Variants in GABBR2 observed in about 807,000 individuals in gnomAD.
GABBR2 encodes gamma-aminobutyric acid type B receptor subunit 2.
GABBR2 carries 23 observed loss-of-function variants against 105.6 expected under a neutral mutation model. The ratio of observed to expected loss-of-function variants is 0.22; its 90% CI spans 0.16 to 0.31. The LOEUF is 0.31. Ranked by LOEUF, GABBR2 falls within the 10% of genes least tolerant of loss-of-function variation. The probability of loss-of-function intolerance (pLI) is 1.00; values close to 1 mark genes in which losing one functional copy is unlikely to be tolerated. For synonymous variants in GABBR2, 478 were observed against 499.7 expected, an observed-to-expected ratio of 0.96 and a Z score of 0.58; for missense variants, 734 against 1,245.5, an observed-to-expected ratio of 0.59 and a Z score of 6.18.
chr9:98,511,943 A>G (rs1827652656), intron 3 of GABBR2, among the ~76,000 whole-genome samples: 1 of 152,228 alleles, frequency 6.6e-6, no homozygotes, highest in African/African-American at 2.4e-5. Flanking sequence ...AGCCTGGTAG[A>G]GACACAACCA....
intron 7 of GABBR2, among the ~76,000 whole-genome samples, chr9:98,417,073 T>G (rs1364697223): frequency 1.3e-5 from 2 of 152,218 alleles, no homozygotes; most frequent in Non-Finnish European, 2.9e-5. Flanking sequence ...AATTGCCTCC[T>G]GCTGGATGAA....
intron 3 of GABBR2, among the ~76,000 whole-genome samples, chr9:98,503,480 A>T (rs574413937): frequency 6.6e-6 from 1 of 151,908 alleles, no homozygotes; most frequent in Non-Finnish European, 1.5e-5. Flanking sequence ...GGGACCTCTG[A>T]GGGGCAGGGA....
intron 1 of GABBR2, among the ~76,000 whole-genome samples, chr9:98,705,321 A>G (rs1830879948): frequency 6.6e-6 from 1 of 152,216 alleles, no homozygotes; most frequent in South Asian, 2.1e-4. Flanking sequence ...AAAATCTACC[A>G]CTATTCTACT....
At chr9:98,364,535 T>C (rs1043194111) in intron 12 of GABBR2, among the ~76,000 whole-genome samples, 1 of 151,920 alleles carries the variant, frequency 6.6e-6, no homozygotes, top group Non-Finnish European at 1.5e-5. Flanking sequence ...AGAATTTTCC[T>C]CTTGTAAATG....
intron 13 of GABBR2, among the ~76,000 whole-genome samples, chr9:98,315,431 T>C (rs1221142762): frequency 6.6e-6 from 1 of 152,216 alleles, no homozygotes; most frequent in Non-Finnish European, 1.5e-5. Flanking sequence ...GGGGTTGGGA[T>C]AGTTTTGGGA....
At chr9:98,301,983 CCAGT>C (rs1273783573) in intron 16 of GABBR2, among the ~76,000 whole-genome samples, 8 of 152,174 alleles carry the variant, frequency 5.3e-5, no homozygotes, top group Non-Finnish European at 1.2e-4. Context: ...TCCAGAATGT[CCAGT>C]CAAATTTGAG....
intron 1 of GABBR2, among the ~76,000 whole-genome samples, chr9:98,686,390 GT>G (rs60124722): frequency 0.92 from 140,348 of 151,994 alleles, 64,954 homozygotes; most frequent in Middle Eastern, 0.97. Flanking sequence ...AATAAAATCT[GT>G]TTTTTTTGTT....
intron 13 of GABBR2, among the ~76,000 whole-genome samples, chr9:98,345,529 C>T (rs912821202): frequency 6.6e-6 from 1 of 152,190 alleles, no homozygotes; most frequent in Non-Finnish European, 1.5e-5. Flanking sequence ...GATGCTTTTC[C>T]TGAAGACTGA....
chr9:98,642,162 C>G (rs74972864), intron 1 of GABBR2, among the ~76,000 whole-genome samples: 1,622 of 152,314 alleles, frequency 0.011, 34 homozygotes, highest in African/African-American at 0.037. Flanking sequence ...GTTTCATGCC[C>G]TGATAAATAG....
At chr9:98,399,231 G>A (rs955991050) in intron 8 of GABBR2, among the ~76,000 whole-genome samples, 3 of 151,806 alleles carry the variant, frequency 2.0e-5, no homozygotes, top group Non-Finnish European at 4.4e-5. Flanking sequence ...GCACGTGCCT[G>A]TAATCTTGGC....
chr9:98,666,622 C>T (rs1416573164), intron 1 of GABBR2, among the ~76,000 whole-genome samples: 1 of 152,154 alleles, frequency 6.6e-6, no homozygotes, highest in Non-Finnish European at 1.5e-5. Context: ...ATCCTCTGGC[C>T]TCAGCCTCCC....
intron 3 of GABBR2, among the ~76,000 whole-genome samples, chr9:98,523,121 T>C (rs1368663103): frequency 6.6e-6 from 1 of 152,202 alleles, no homozygotes; most frequent in Non-Finnish European, 1.5e-5. Flanking sequence ...CAAAGACATT[T>C]ATATGCTTAA....
chr9:98,361,515 G>C (rs2131443390), intron 13 of GABBR2, among the ~76,000 whole-genome samples: 1 of 152,306 alleles, frequency 6.6e-6, no homozygotes, highest in African/African-American at 2.4e-5. Flanking sequence ...GAATTCCCTT[G>C]GGATGAAGGG....
At chr9:98,606,982 C>T (rs1829433888) in intron 1 of GABBR2, 1 of 812,298 alleles carries the variant, frequency 1.2e-6, no homozygotes, top group African/African-American at 1.7e-5. Flanking sequence ...CCGCTGCTCG[C>T]CCCATGTCGC....
intron 10 of GABBR2, among the ~76,000 whole-genome samples, chr9:98,386,212 GTT>G (rs201485919): frequency 0.032 from 4,420 of 136,396 alleles, 173 homozygotes; most frequent in African/African-American, 0.11. Flanking sequence ...AAGTCAACAG[GTT>G]TTTTTTTTTT....
chr9:98,547,833 C>T (rs1456897518), intron 2 of GABBR2, among the ~76,000 whole-genome samples: 1 of 122,402 alleles, frequency 8.2e-6, no homozygotes, highest in Non-Finnish European at 1.8e-5. Context: ...GTTAGCTATT[C>T]GGGTTCTTTG....
chr9:98,290,505 C>T lies in GABBR2; in HGVS notation c.*79G>A, dbSNP rs1173147403. 7.6e-6 allele frequency: 8 copies of T among 1,050,316 alleles called. No homozygotes were observed. The highest frequency in any genetic ancestry group is 4.0e-5 in the South Asian group (1 of 24,782). 65.1% of individuals were successfully genotyped at this position (1,050,316 alleles called of 1,614,324 possible). A position where few individuals can be genotyped will look rare whatever the true frequency, so the allele number is the denominator to read the frequency against. On this transcript the variant is annotated 3_prime_UTR_variant, in exon 19 of 19. Transcript: ENST00000259455. Reference sequence around the variant, plus strand: ...TGCCCAGCTTCTCCGCAGCCAGAGCCGACAGTGTTTCTGCAGCAGACCCCT... The same window carrying T: ...TGCCCAGCTTCTCCGCAGCCAGAGCTGACAGTGTTTCTGCAGCAGACCCCT...
chr9:98,484,564 C>T (rs567864865), intron 4 of GABBR2, among the ~76,000 whole-genome samples: 50 of 151,826 alleles, frequency 3.3e-4, no homozygotes, highest in African/African-American at 1.0e-3. Flanking sequence ...AGAGGCCAAA[C>T]GGGGGATGAG....
chr9:98,296,066 C>T (rs967016030), intron 17 of GABBR2, among the ~76,000 whole-genome samples: 14 of 152,126 alleles, frequency 9.2e-5, no homozygotes, highest in Non-Finnish European at 4.4e-5. Flanking sequence ...TGAATGTGTC[C>T]CCCCAAATTC....
Sources: gnomAD v4.1 joint callset for allele counts (sites outside exome capture counted in the v4.1 genomes callset) on GRCh38, gnomAD v4.1.1 for gene constraint, MANE v1.5 for transcripts, NCBI Gene and HGNC (gene_info 2026-07-23, HGNC 2026-07-21) for gene names.